Variants in JAZF1 observed in about 807,000 individuals in gnomAD.
JAZF1 encodes the protein JAZF zinc finger 1, also known as juxtaposed with another zinc finger protein 1.
In JAZF1, 8 loss-of-function variants were observed where a neutral mutation model predicts 26.4. The ratio of observed to expected loss-of-function variants is 0.30; its 90% confidence interval spans 0.18 to 0.55. The LOEUF (loss-of-function observed/expected upper bound fraction) is 0.55, where lower values mean the gene tolerates loss of function less well. JAZF1 is among the 20% of genes least tolerant of loss of function. The pLI is 0.94. For missense variants in JAZF1, 199 were observed against 322.0 expected, an observed-to-expected ratio of 0.62 and a Z score of 2.92; for synonymous variants, 126 against 122.3, an observed-to-expected ratio of 1.03 and a Z score of -0.20.
At chr7:27,965,087 T>A (rs1785251627) in intron 2 of JAZF1, among the ~76,000 whole-genome samples, 2 of 152,188 alleles carry the variant, frequency 1.3e-5, no homozygotes, top group African/African-American at 4.8e-5. Flanking sequence ...ACTGCATATT[T>A]CAGTATATAT....
chr7:28,171,425 C>T (rs1231191436), intron 1 of JAZF1, among the ~76,000 whole-genome samples: 1 of 152,142 alleles, frequency 6.6e-6, no homozygotes, highest in East Asian at 1.9e-4. Context: ...GCCCAAAGTA[C>T]TTCTCAATTT....
chr7:28,170,334 GATATGTGTGTGT>G (rs1473204906), intron 1 of JAZF1, among the ~76,000 whole-genome samples: 8 of 104,346 alleles, frequency 7.7e-5, no homozygotes, highest in African/African-American at 2.9e-4. Flanking sequence ...AAGAGAAGTT[GATATGTGTGTGT>G]GTGTGTGTGT....
Position 27,895,320 on chromosome 7 carries a change from C to T in JAZF1, c.285G>A (p.Gly95=). 6.2e-7 allele frequency: 1 copy of T among 1,611,408 alleles called. No homozygotes were observed. Among genetic ancestry groups the T allele is most frequent in the Non-Finnish European group, 8.5e-7 (1 of 1,178,880 alleles). Residue 95 remains glycine, a synonymous_variant, in exon 3 of 5, where the codon GGG becomes GGA. Coordinates refer to ENST00000283928, the MANE Select transcript of JAZF1 (RefSeq NM_175061.4). ...SLTLSSSVSR[G]NVSTPPRHSS... ...TGTGGCGTGGGGGAGTGGACACATT[C>T]CCTCGAGACACTGAGCTGGACAGAG...
intron 2 of JAZF1, among the ~76,000 whole-genome samples, chr7:27,911,664 G>C (rs935993133): frequency 2.6e-5 from 4 of 152,176 alleles, no homozygotes; most frequent in Non-Finnish European, 5.9e-5. Flanking sequence ...GAGCAGTGCT[G>C]TTACAACTGA....
At chr7:28,099,451 G>A (rs1265348550) in intron 1 of JAZF1, among the ~76,000 whole-genome samples, 6 of 151,810 alleles carry the variant, frequency 4.0e-5, no homozygotes, top group South Asian at 2.1e-4. Context: ...TGGGGGAGAG[G>A]AGTATGCAAG....
At chr7:28,069,133 G>T (rs1338601582) in intron 1 of JAZF1, among the ~76,000 whole-genome samples, 1 of 152,230 alleles carries the variant, frequency 6.6e-6, no homozygotes, top group Non-Finnish European at 1.5e-5. Flanking sequence ...GGGGATGGAA[G>T]AGCCCAGTAA....
chr7:28,108,597 G>T (rs1021470227), intron 1 of JAZF1, among the ~76,000 whole-genome samples: 1 of 152,126 alleles, frequency 6.6e-6, no homozygotes, highest in Non-Finnish European at 1.5e-5. Flanking sequence ...GTGCACTGTT[G>T]GCAGGAATGT....
intron 2 of JAZF1, among the ~76,000 whole-genome samples, chr7:27,897,075 C>T (rs760699957): frequency 4.0e-5 from 6 of 148,188 alleles, no homozygotes; most frequent in Non-Finnish European, 5.9e-5. Context: ...AAGCAAAGAA[C>T]TAGTGCTTTT....
chr7:27,929,976 C>T (rs1363366931), intron 2 of JAZF1, among the ~76,000 whole-genome samples: 2 of 151,016 alleles, frequency 1.3e-5, no homozygotes, highest in African/African-American at 4.9e-5. Context: ...CTCTCCCTCC[C>T]TCCCTCTCTC....
At chr7:28,162,599 G>C (rs1783310705) in intron 1 of JAZF1, among the ~76,000 whole-genome samples, 1 of 152,204 alleles carries the variant, frequency 6.6e-6, no homozygotes, top group Non-Finnish European at 1.5e-5. Context: ...CAACCTGACA[G>C]ACAAGTAAAA....
intron 1 of JAZF1, among the ~76,000 whole-genome samples, chr7:28,102,410 T>C (rs544758760): frequency 6.6e-6 from 1 of 152,238 alleles, no homozygotes; most frequent in African/African-American, 2.4e-5. Flanking sequence ...ACGATTCCCA[T>C]AAGTATCACT....
At chr7:28,146,502 A>G (rs1355628442) in intron 1 of JAZF1, among the ~76,000 whole-genome samples, 1 of 152,218 alleles carries the variant, frequency 6.6e-6, no homozygotes, top group Non-Finnish European at 1.5e-5. Context: ...CTAATTAAGT[A>G]TTAAAAGGTG....
At chr7:27,948,176 G>T (rs556761429) in intron 2 of JAZF1, among the ~76,000 whole-genome samples, 16 of 152,216 alleles carry the variant, frequency 1.1e-4, no homozygotes, top group Admixed American at 7.8e-4. Flanking sequence ...CACAGGCTGG[G>T]CAGAGAGAAA....
intron 3 of JAZF1, among the ~76,000 whole-genome samples, chr7:27,885,052 G>A (rs1783834893): frequency 6.6e-6 from 1 of 152,180 alleles, no homozygotes; most frequent in South Asian, 2.1e-4. Flanking sequence ...AGACACTATA[G>A]TCAAAACTCC....
chr7:28,179,657 AGCCCGCAGC>A (rs932967518), intron 1 of JAZF1, among the ~76,000 whole-genome samples: 8 of 149,262 alleles, frequency 5.4e-5, no homozygotes, highest in Admixed American at 3.3e-4. Flanking sequence ...CCAAGACCTC[AGCCCGCAGC>A]GCCCGGGCGT....
chr7:28,170,836 A>G (rs2127954458), intron 1 of JAZF1, among the ~76,000 whole-genome samples: 1 of 152,310 alleles, frequency 6.6e-6, no homozygotes, highest in African/African-American at 2.4e-5. Context: ...CACTGAGTAT[A>G]TGGGCACACC....
chr7:28,066,602 C>CAAAAA (rs911062551), intron 1 of JAZF1, among the ~76,000 whole-genome samples: 50 of 31,758 alleles, frequency 1.6e-3, no homozygotes, highest in African/African-American at 4.1e-3. Flanking sequence ...GACTCCATCT[C>CAAAAA]AAAAAAAAAA....
chr7:28,074,705 A>G (rs535945173), intron 1 of JAZF1, among the ~76,000 whole-genome samples: 2 of 152,284 alleles, frequency 1.3e-5, no homozygotes, highest in African/African-American at 2.4e-5. Context: ...TAAATTTTGC[A>G]TAATATTTCT....
Position 27,832,709 on chromosome 7 carries a change from G to T in JAZF1, c.*91C>A. 1.9e-6 allele frequency: 2 copies of T among 1,029,190 alleles called. No individual in the cohort carries two copies. The highest frequency in any genetic ancestry group is 2.8e-6 in the Non-Finnish European group (2 of 724,744). The allele number at this position is 1,029,190 out of a possible 1,614,324, so 63.8% of individuals were successfully genotyped here. On this transcript the variant is annotated 3_prime_UTR_variant, in exon 5 of 5. Transcript: ENST00000283928. ...TGCATTTAATTCTTTTTCTTTAAAG[G>T]GTTGCTGAATGCTTCCCCTGAAAAA...
Sources: gnomAD v4.1 joint callset for allele counts (sites outside exome capture counted in the v4.1 genomes callset) on GRCh38, gnomAD v4.1.1 for gene constraint, MANE v1.5 for transcripts, NCBI Gene and HGNC (gene_info 2026-07-23, HGNC 2026-07-21) for gene names.